The following PLEKHM3 variants were observed in gnomAD, a reference collection of about 807,000 sequenced individuals.
The protein encoded by PLEKHM3 is pleckstrin homology domain-containing family M member 3.
PLEKHM3 carries 45 observed loss-of-function variants against 81.8 expected under a neutral mutation model. The ratio of observed to expected loss-of-function variants is 0.55; its 90% CI spans 0.43 to 0.71. The LOEUF (loss-of-function observed/expected upper bound fraction) is 0.71. Ranked by LOEUF, PLEKHM3 falls within the 30% of genes least tolerant of loss-of-function variation. The pLI is 0.00. For synonymous variants in PLEKHM3, 352 were observed against 356.4 expected (o/e 0.99, Z 0.14); for missense variants, 788 against 924.3 (o/e 0.85, Z 1.91).
intron 6 of PLEKHM3, among the ~76,000 whole-genome samples, chr2:207,865,797 AAAAAAGATATATATATATATAT>A (rs2092494083): frequency 5.2e-5 from 2 of 38,128 alleles, no homozygotes; most frequent in African/African-American, 2.7e-4. Flanking sequence ...AAAAAAAAAA[AAAAAAGATATATATATATATAT>A]ATATATATAT....
chr2:207,852,693 A>C, intron 7 of PLEKHM3: 1 of 399,196 alleles, frequency 2.5e-6, no homozygotes, highest in Non-Finnish European at 4.8e-6. Context: ...TGGGTACTCA[A>C]AAGAGGGGAG....
chr2:207,949,879 G>A (rs1460393025), intron 3 of PLEKHM3, among the ~76,000 whole-genome samples: 1 of 152,114 alleles, frequency 6.6e-6, no homozygotes, highest in African/African-American at 2.4e-5. Context: ...TAATTTTAAT[G>A]AGCTTATTCT....
chr2:207,996,743 C>CG (rs1340670931), intron 2 of PLEKHM3, among the ~76,000 whole-genome samples: 1 of 151,722 alleles, frequency 6.6e-6, no homozygotes, highest in Non-Finnish European at 1.5e-5. Flanking sequence ...ACAGGAAGGC[C>CG]AATTCATTTC....
Position 207,824,079 on chromosome 2 carries a change from C to A in PLEKHM3, c.*4240G>T, listed in dbSNP as rs965016025. On this transcript the variant is annotated 3_prime_UTR_variant, in exon 8 of 8. Coordinates refer to ENST00000427836, the MANE Select transcript of PLEKHM3 (RefSeq NM_001080475.3). ...CAGACAGCTCTACCTGACTCAGGGTCGGAAGAGTGATACAAGGTGTGCAAC... is the reference window on the plus strand; with the variant it reads ...CAGACAGCTCTACCTGACTCAGGGTAGGAAGAGTGATACAAGGTGTGCAAC... 2.0e-5 allele frequency: 3 copies of A among 152,172 alleles called. No homozygotes were observed. Among genetic ancestry groups the A allele is most frequent in the African/African-American group, 7.2e-5 (3 of 41,420 alleles). The allele number at this position is 152,172 out of a possible 1,614,324, so 9.4% of individuals were successfully genotyped here.
At chr2:207,946,573 G>A (rs1690139142) in intron 3 of PLEKHM3, 61 bp from the exon 4 acceptor site, 5 of 1,567,492 alleles carry the variant, frequency 3.2e-6, no homozygotes, top group Non-Finnish European at 3.5e-6. Flanking sequence ...TACAGAACAA[G>A]GTTATAGAGC....
intron 7 of PLEKHM3, among the ~76,000 whole-genome samples, chr2:207,854,193 G>A (rs1053488946): frequency 6.6e-6 from 1 of 152,136 alleles, no homozygotes; most frequent in Non-Finnish European, 1.5e-5. Context: ...GAATGGTCAA[G>A]GGTATGTGGT....
At chr2:207,982,238 CCCCTCGCTCCCCCCCT>C (rs1691554296) in intron 2 of PLEKHM3, among the ~76,000 whole-genome samples, 1 of 127,484 alleles carries the variant, frequency 7.8e-6, no homozygotes, top group Non-Finnish European at 1.6e-5. Flanking sequence ...CCTCACTCCC[CCCCTCGCTCCCCCCCT>C]CCCTCGCTCC....
Position 207,911,029 on chromosome 2 carries a change from C to T in PLEKHM3, c.1887-2452G>A, listed in dbSNP as rs145297908. ...CCAGGGGAGGGAATAAAAAATTGAG[C>T]TTCCTATGTGCTGAATATCCAGTGC... On this transcript the variant is annotated intron_variant, in intron 5 of 7. Transcript: ENST00000427836. Among the ~76,000 whole-genome samples the T allele has an allele frequency of 5.7e-4, 87 of 152,256 alleles. No individual in the cohort carries two copies. In the East Asian group the frequency reaches 0.015, roughly 26 times the overall value.
At chr2:207,946,799 C>G (rs145950893) in intron 3 of PLEKHM3, among the ~76,000 whole-genome samples, 1 of 152,220 alleles carries the variant, frequency 6.6e-6, no homozygotes, top group Non-Finnish European at 1.5e-5. Context: ...AGAGATCAGT[C>G]TCTCTACAAC....
In PLEKHM3 at chr2:207,998,225, T is replaced by C. The variant is rs188429911; in HGVS notation, c.610+2805A>G. 1.2e-4 allele frequency among the ~76,000 whole-genome samples: 18 copies of C among 152,340 alleles called. No individual in the cohort carries two copies. The East Asian group carries it at 3.5e-3, about 29-fold the overall frequency. On this transcript the variant is annotated intron_variant, in intron 2 of 7. Transcript: ENST00000427836. Reference sequence around the variant, plus strand: ...TGGATGACTAAAAGGTGGCAGTGGCTGGGAGCAGTGGCTCACGCCTGTAAC... The same window carrying C: ...TGGATGACTAAAAGGTGGCAGTGGCCGGGAGCAGTGGCTCACGCCTGTAAC...
intron 5 of PLEKHM3, among the ~76,000 whole-genome samples, chr2:207,915,659 C>T (rs1300024009): frequency 6.6e-6 from 1 of 152,192 alleles, no homozygotes; most frequent in Non-Finnish European, 1.5e-5. Context: ...AGACCCACAA[C>T]ATACACACAT....
intron 2 of PLEKHM3, among the ~76,000 whole-genome samples, chr2:207,987,879 C>G (rs1403055234): frequency 6.6e-6 from 1 of 152,188 alleles, no homozygotes; most frequent in Non-Finnish European, 1.5e-5. Context: ...CCTAGCTTCT[C>G]AAGATCCTGT....
chr2:207,874,599 T>G (rs1183381763), intron 6 of PLEKHM3, among the ~76,000 whole-genome samples: 1 of 151,448 alleles, frequency 6.6e-6, no homozygotes, highest in African/African-American at 2.4e-5. Flanking sequence ...AAACTGTATT[T>G]TCTTTTTTTT....
At chr2:207,867,753 G>A (rs568306303) in intron 6 of PLEKHM3, among the ~76,000 whole-genome samples, 8 of 151,644 alleles carry the variant, frequency 5.3e-5, no homozygotes, top group African/African-American at 9.7e-5. Flanking sequence ...TTTTGGATAC[G>A]TGCTCAAAAA....
intron 6 of PLEKHM3, among the ~76,000 whole-genome samples, chr2:207,891,528 T>A (rs1166756102): frequency 6.6e-6 from 1 of 152,224 alleles, no homozygotes; most frequent in East Asian, 1.9e-4. Context: ...CCACAACTAT[T>A]ATGCTAAACT....
At position 208,025,523 on chromosome 2, in the gene PLEKHM3, T is replaced by A. The variant is rs548749593; in HGVS notation, c.-453A>T. The A allele has an allele frequency of 6.6e-6, 1 of 152,240 alleles. No homozygotes were observed. The highest frequency in any genetic ancestry group is 2.4e-5 in the African/African-American group (1 of 41,452). 9.4% of individuals were successfully genotyped at this position (152,240 alleles called of 1,614,324 possible). A position where few individuals can be genotyped will look rare whatever the true frequency, so the allele number is the denominator to read the frequency against. On this transcript the variant is annotated 5_prime_UTR_variant, in exon 1 of 8. Transcript: ENST00000427836. ...CGCTGACCATCCCGGCCCGGCTCTGTTTACAAGCGGCTTCTCGCGGTCCCA... is the reference window on the plus strand; with the variant it reads ...CGCTGACCATCCCGGCCCGGCTCTGATTACAAGCGGCTTCTCGCGGTCCCA...
intron 1 of PLEKHM3, among the ~76,000 whole-genome samples, chr2:208,009,597 ATGATATCAAGTAACTTACC>A (rs1245492421): frequency 6.6e-6 from 1 of 152,184 alleles, no homozygotes; most frequent in African/African-American, 2.4e-5. Flanking sequence ...AGGAAGCTCA[ATGATATCAAGTAACTTACC>A]TGATATCAAG....
At chr2:207,902,855 C>CCCATCCATCCATCCATCCAT in intron 6 of PLEKHM3, among the ~76,000 whole-genome samples, 1 of 131,656 alleles carries the variant, frequency 7.6e-6, no homozygotes, top group East Asian at 2.1e-4. Flanking sequence ...CATCCACCCA[C>CCCATCCATCCATCCATCCAT]CCATCCATCC....
chr2:207,980,215 C>G (rs1484981413), intron 2 of PLEKHM3, among the ~76,000 whole-genome samples: 1 of 152,152 alleles, frequency 6.6e-6, no homozygotes, highest in African/African-American at 2.4e-5. Flanking sequence ...TTCTTATCTC[C>G]CTGTGAGCTT....
Sources: allele counts gnomAD v4.1 joint callset (sites outside exome capture counted in the v4.1 genomes callset), GRCh38; gene constraint gnomAD v4.1.1; transcripts MANE v1.5; gene names NCBI Gene and HGNC (gene_info 2026-07-23, HGNC 2026-07-21).